CDK8: variants seen among roughly 807,000 people sequenced by gnomAD.
The protein encoded by CDK8 is cyclin dependent kinase 8, also known as cyclin-dependent kinase 8.
A neutral mutation model predicts 71.5 loss-of-function variants in CDK8; 29 were observed. The observed-to-expected ratio is 0.41, with a 90% CI of 0.30 to 0.55. The LOEUF is 0.55. Among genes scored for constraint, CDK8 ranks in the 20% least tolerant of loss-of-function variants. CDK8 has a pLI of 0.37. For missense variants in CDK8, 288 were observed against 572.6 expected (o/e 0.50, Z 5.07); for synonymous variants, 161 against 192.1 (o/e 0.84, Z 1.34).
At chr13:26,327,734 C>T (rs1875085920) in intron 1 of CDK8, among the ~76,000 whole-genome samples, 1 of 152,064 alleles carries the variant, frequency 6.6e-6, no homozygotes, top group African/African-American at 2.4e-5. Flanking sequence ...GAGGCAGAGG[C>T]AGGAGAATCG....
chr13:26,299,856 A>G (rs1307042780), intron 1 of CDK8, among the ~76,000 whole-genome samples: 1 of 152,234 alleles, frequency 6.6e-6, no homozygotes, highest in East Asian at 1.9e-4. Flanking sequence ...CCTTTTCTGT[A>G]AAGGGCCAGA....
intron 1 of CDK8, among the ~76,000 whole-genome samples, chr13:26,294,445 G>A (rs187126306): frequency 1.7e-4 from 26 of 152,310 alleles, no homozygotes; most frequent in African/African-American, 6.0e-4. Flanking sequence ...CCAGTAGTAG[G>A]ATGGTTGGAT....
intron 1 of CDK8, among the ~76,000 whole-genome samples, chr13:26,311,739 A>C (rs1254959196): frequency 9.1e-6 from 1 of 110,430 alleles, no homozygotes; most frequent in Non-Finnish European, 2.0e-5. Context: ...CTTTTATGGT[A>C]ATAAAAGCTT....
intron 3 of CDK8, among the ~76,000 whole-genome samples, chr13:26,349,567 C>T (rs1420647232): frequency 6.6e-6 from 1 of 152,030 alleles, no homozygotes; most frequent in Non-Finnish European, 1.5e-5. Context: ...AGGTGGTATC[C>T]TCATGTAGGA....
At chr13:26,269,646 A>G (rs1348244508) in intron 1 of CDK8, among the ~76,000 whole-genome samples, 3 of 152,128 alleles carry the variant, frequency 2.0e-5, no homozygotes, top group Non-Finnish European at 4.4e-5. Context: ...TACTGAGTAC[A>G]TGTCACTTTA....
rs532098995 is a variant in CDK8 at position 26,291,553 on chromosome 13, C to CA, written c.128+36790dup. 5.3e-3 allele frequency among the ~76,000 whole-genome samples: 799 copies of CA among 152,104 alleles called. 5 individuals carry two copies. The highest frequency in any genetic ancestry group is 0.018 in the African/African-American group (734 of 41,514). On this transcript the variant is annotated intron_variant, in intron 1 of 12. Coordinates refer to ENST00000381527, the MANE Select transcript of CDK8 (RefSeq NM_001260.3). Reference sequence around the variant, plus strand: ...TAGAATTGCACTGTAAAGTTTACAACAAAAAACAGCAACTCTGGGCCCAAT... The same window carrying CA: ...TAGAATTGCACTGTAAAGTTTACAACAAAAAAACAGCAACTCTGGGCCCAAT...
chr13:26,320,031 A>C (rs915848127), intron 1 of CDK8, among the ~76,000 whole-genome samples: 1 of 152,138 alleles, frequency 6.6e-6, no homozygotes, highest in East Asian at 1.9e-4. Flanking sequence ...CAAAAGAATG[A>C]AGTTGGACCC....
At chr13:26,285,735 A>G (rs745685116) in intron 1 of CDK8, among the ~76,000 whole-genome samples, 4 of 152,222 alleles carry the variant, frequency 2.6e-5, no homozygotes, top group Non-Finnish European at 4.4e-5. Flanking sequence ...TCATATACCT[A>G]GAAAACCCTA....
intron 1 of CDK8, among the ~76,000 whole-genome samples, chr13:26,274,244 C>A (rs373691884): frequency 1.3e-5 from 2 of 151,988 alleles, no homozygotes; most frequent in Non-Finnish European, 2.9e-5. Context: ...TAATGTTTGC[C>A]TCCTCCTTGA....
At chr13:26,344,248 A>G (rs1565979948) in intron 2 of CDK8, among the ~76,000 whole-genome samples, 1 of 152,114 alleles carries the variant, frequency 6.6e-6, no homozygotes, top group Non-Finnish European at 1.5e-5. Context: ...ATGGCTGTAT[A>G]TCATTCCGTG....
At chr13:26,378,830 C>T (rs1875078586) in intron 4 of CDK8, among the ~76,000 whole-genome samples, 1 of 152,172 alleles carries the variant, frequency 6.6e-6, no homozygotes, top group South Asian at 2.1e-4. Context: ...AATTCTGCTA[C>T]TGATAGACGA....
intron 5 of CDK8, among the ~76,000 whole-genome samples, chr13:26,383,495 T>G (rs1875329814): frequency 6.6e-6 from 1 of 152,210 alleles, no homozygotes; most frequent in South Asian, 2.1e-4. Flanking sequence ...AAAACTAAGT[T>G]TATTTAATCT....
chr13:26,391,315 A>G (rs978910637), intron 6 of CDK8, among the ~76,000 whole-genome samples: 1 of 152,116 alleles, frequency 6.6e-6, no homozygotes, highest in African/African-American at 2.4e-5. Context: ...CTATGTTGTC[A>G]AGGCTGGATT....
intron 1 of CDK8, among the ~76,000 whole-genome samples, chr13:26,291,607 A>C: frequency 6.6e-6 from 1 of 152,202 alleles, no homozygotes; most frequent in East Asian, 1.9e-4. Flanking sequence ...TTTGATTACA[A>C]GAAGCAAGGA....
At chr13:26,362,169 G>A in intron 4 of CDK8, among the ~76,000 whole-genome samples, 1 of 152,026 alleles carries the variant, frequency 6.6e-6, no homozygotes, top group Non-Finnish European at 1.5e-5. Context: ...GTTCTCCAGA[G>A]AAACAGAGTC....
intron 1 of CDK8, among the ~76,000 whole-genome samples, chr13:26,301,212 C>CT (rs36054795): frequency 0.015 from 1,406 of 92,846 alleles, 33 homozygotes; most frequent in Non-Finnish European, 0.02. Context: ...TATCAGTAGA[C>CT]TTTTTTTTTT....
intron 1 of CDK8, among the ~76,000 whole-genome samples, chr13:26,277,131 A>G (rs1566468170): frequency 6.6e-6 from 1 of 152,100 alleles, no homozygotes. Context: ...TATTTTTCCT[A>G]TTTACGTTGT....
intron 1 of CDK8, among the ~76,000 whole-genome samples, chr13:26,272,509 G>A (rs1158694403): frequency 6.6e-6 from 1 of 152,156 alleles, no homozygotes; most frequent in African/African-American, 2.4e-5. Context: ...AATACCTCCT[G>A]AAGGACCTGC....
chr13:26,326,024 C>T (rs1013845067), intron 1 of CDK8, among the ~76,000 whole-genome samples: 1 of 152,154 alleles, frequency 6.6e-6, no homozygotes, highest in Admixed American at 6.6e-5. Context: ...AGTAATTTAA[C>T]ACTGACAAAT....
Sources: allele counts gnomAD v4.1 joint callset (sites outside exome capture counted in the v4.1 genomes callset), GRCh38; gene constraint gnomAD v4.1.1; transcripts MANE v1.5; gene names NCBI Gene and HGNC (gene_info 2026-07-23, HGNC 2026-07-21).